The following LTBP1 variants were observed in gnomAD, a reference collection of about 807,000 sequenced individuals.
The protein encoded by LTBP1 is latent-transforming growth factor beta-binding protein 1.
LTBP1 carries 129 observed loss-of-function variants against 207.6 expected under a neutral mutation model. That is an observed-to-expected ratio of 0.62 (90% confidence interval 0.54 to 0.72). The LOEUF (loss-of-function observed/expected upper bound fraction) is 0.72, where lower values mean the gene tolerates loss of function less well. Ranked by LOEUF, LTBP1 falls within the 30% of genes least tolerant of loss-of-function variation. The probability of loss-of-function intolerance (pLI) is 0.00; values close to 1 mark genes in which losing one functional copy is unlikely to be tolerated. For synonymous variants in LTBP1, 963 were observed against 833.7 expected, an observed-to-expected ratio of 1.16 and a Z score of -2.67; for missense variants, 2,281 against 2,217.2, an observed-to-expected ratio of 1.03 and a Z score of -0.58.
intron 7 of LTBP1, among the ~76,000 whole-genome samples, chr2:33,202,357 G>A (rs955112249): frequency 5.3e-5 from 8 of 152,106 alleles, no homozygotes; most frequent in Admixed American, 1.3e-4. Flanking sequence ...TGGTTGGGTC[G>A]ATGCAGATGA....
At chr2:33,038,846 G>C (rs1485066461) in intron 3 of LTBP1, among the ~76,000 whole-genome samples, 12 of 150,984 alleles carry the variant, frequency 7.9e-5, no homozygotes, top group Non-Finnish European at 1.6e-4. Context: ...CTTTTTTTTT[G>C]CCAGAGCCTC....
rs969143667 is a variant in LTBP1 at position 33,304,760 on chromosome 2, A to G, written c.3481+3116A>G. On this transcript the variant is annotated intron_variant, in intron 22 of 33. Coordinates refer to ENST00000404816, the MANE Select transcript of LTBP1 (RefSeq NM_206943.4). ...CTTTACAAAGCTGAGAAGATGACTC[A>G]TTACTTACAATGTCTTTCCCTTTCC... Among the ~76,000 whole-genome samples, 23 of 152,182 alleles carry G rather than the reference A, an allele frequency of 1.5e-4. 1 individual carries two copies. Among genetic ancestry groups the G allele is most frequent in the Admixed American group, 1.4e-3 (22 of 15,270 alleles).
At chr2:33,142,241 G>A (rs1285385933) in intron 5 of LTBP1, among the ~76,000 whole-genome samples, 1 of 151,922 alleles carries the variant, frequency 6.6e-6, no homozygotes, top group Non-Finnish European at 1.5e-5. Flanking sequence ...ATTTTCAGTA[G>A]AGATGGGGTT....
chr2:33,397,338 C>T, intron 33 of LTBP1, 56 bp downstream of exon 33: 1 of 1,583,012 alleles, frequency 6.3e-7, no homozygotes, highest in Non-Finnish European at 8.7e-7. Context: ...CCCCGTATCT[C>T]AGTCAGTAGA....
At chr2:33,148,878 G>T (rs2083270417) in intron 5 of LTBP1, among the ~76,000 whole-genome samples, 2 of 152,146 alleles carry the variant, frequency 1.3e-5, no homozygotes, top group Non-Finnish European at 2.9e-5. Context: ...GGCGTATAGT[G>T]GGTGGAGGCC....
intron 19 of LTBP1, among the ~76,000 whole-genome samples, chr2:33,281,519 C>T (rs377699180): frequency 2.0e-5 from 3 of 152,182 alleles, no homozygotes; most frequent in Non-Finnish European, 4.4e-5. Context: ...TTAAAACTGA[C>T]GGTCTTCATT....
At chr2:33,068,857 A>C (rs2077645211) in intron 3 of LTBP1, among the ~76,000 whole-genome samples, 1 of 152,228 alleles carries the variant, frequency 6.6e-6, no homozygotes, top group Admixed American at 6.5e-5. Flanking sequence ...ACCCTCTATG[A>C]TACCCTCAAT....
chr2:33,357,038 C>T (rs2094870981), intron 26 of LTBP1, among the ~76,000 whole-genome samples: 1 of 152,216 alleles, frequency 6.6e-6, no homozygotes, highest in Non-Finnish European at 1.5e-5. Flanking sequence ...CTTCAGAACA[C>T]ATTGTAAATG....
chr2:33,087,082 T>C (rs1262433826), intron 3 of LTBP1, among the ~76,000 whole-genome samples: 2 of 98,760 alleles, frequency 2.0e-5, no homozygotes, highest in African/African-American at 3.0e-5. Flanking sequence ...CCCTCCTTTA[T>C]GCTTTTTTTT....
At chr2:33,152,520 G>T (rs987710119) in intron 5 of LTBP1, among the ~76,000 whole-genome samples, 18 of 152,186 alleles carry the variant, frequency 1.2e-4, no homozygotes, top group Non-Finnish European at 1.5e-5. Context: ...ATTCCTTAAA[G>T]AACTAAAAGT....
At chr2:33,298,336 A>G (rs1330264288) in intron 20 of LTBP1, among the ~76,000 whole-genome samples, 1 of 152,246 alleles carries the variant, frequency 6.6e-6, no homozygotes, top group Non-Finnish European at 1.5e-5. Context: ...TTAGCAACAT[A>G]AATGAGTCAG....
At chr2:33,266,854 C>T (rs558744843) in intron 15 of LTBP1, among the ~76,000 whole-genome samples, 1 of 152,166 alleles carries the variant, frequency 6.6e-6, no homozygotes, top group Non-Finnish European at 1.5e-5. Flanking sequence ...ACTCAGAGCC[C>T]ACCAAATGGT....
intron 31 of LTBP1, among the ~76,000 whole-genome samples, chr2:33,386,501 G>T (rs1158209833): frequency 6.6e-6 from 1 of 152,190 alleles, no homozygotes; most frequent in African/African-American, 2.4e-5. Context: ...TCAGCAGGAT[G>T]CTCAGCCATC....
At chr2:33,279,158 A>G (rs1276847025) in intron 18 of LTBP1, among the ~76,000 whole-genome samples, 1 of 152,216 alleles carries the variant, frequency 6.6e-6, no homozygotes, top group Non-Finnish European at 1.5e-5. Context: ...AAATCCACTC[A>G]TATAAATTCA....
intron 23 of LTBP1, among the ~76,000 whole-genome samples, chr2:33,311,211 A>G (rs1376246622): frequency 6.6e-6 from 1 of 152,132 alleles, no homozygotes; most frequent in African/African-American, 2.4e-5. Flanking sequence ...CCTTTGCCAC[A>G]AGGTTTTTAA....
intron 5 of LTBP1, among the ~76,000 whole-genome samples, chr2:33,179,537 C>A (rs2086410300): frequency 6.6e-6 from 1 of 151,714 alleles, no homozygotes; most frequent in Non-Finnish European, 1.5e-5. Flanking sequence ...CTCTTTGGAA[C>A]TCTGTTGTGT....
At chr2:33,298,667 T>C (rs941576644) in intron 20 of LTBP1, among the ~76,000 whole-genome samples, 22 of 152,200 alleles carry the variant, frequency 1.4e-4, no homozygotes, top group Admixed American at 1.1e-3. Context: ...AAATAATCTT[T>C]AAAATGAAAG....
chr2:33,262,239 C>T (rs1244416041), intron 13 of LTBP1, among the ~76,000 whole-genome samples: 5 of 152,194 alleles, frequency 3.3e-5, no homozygotes, highest in Admixed American at 6.5e-5. Context: ...TAGTAACTGA[C>T]TGGTTTAAAA....
chr2:33,374,577 G>T (rs2095113299), intron 31 of LTBP1, among the ~76,000 whole-genome samples: 1 of 152,140 alleles, frequency 6.6e-6, no homozygotes, highest in South Asian at 2.1e-4. Flanking sequence ...CAGTTCTGTG[G>T]GACTGAACTC....
Sources: allele counts gnomAD v4.1 joint callset (sites outside exome capture counted in the v4.1 genomes callset), GRCh38; gene constraint gnomAD v4.1.1; transcripts MANE v1.5; gene names NCBI Gene and HGNC (gene_info 2026-07-23, HGNC 2026-07-21).